The following SPANXN2 variants were observed in gnomAD, a reference collection of about 807,000 sequenced individuals.
The protein encoded by SPANXN2 is SPANX family member N2, also known as sperm protein associated with the nucleus on the X chromosome N2.
In SPANXN2, 1 loss-of-function variant was observed where a neutral mutation model predicts 2.0. The ratio of observed to expected loss-of-function variants is 0.50; its 90% CI spans 0.18 to 2.36. SPANXN2 has a LOEUF of 2.36. Among genes scored for constraint, SPANXN2 ranks in the 30% most tolerant of loss-of-function variants. SPANXN2 has a pLI of 0.26. For synonymous variants in SPANXN2, 43 were observed against 49.8 expected, an observed-to-expected ratio of 0.86 and a Z score of 0.58; for missense variants, 88 against 116.7, an observed-to-expected ratio of 0.75 and a Z score of 1.13.
chrX:143,715,890 TTGTA>T (rs1932253062), intron 1 of SPANXN2, among the ~76,000 whole-genome samples: 1 of 111,485 alleles, frequency 9.0e-6, no homozygotes, highest in Non-Finnish European at 1.9e-5. Context: ...ACACACTCCT[TTGTA>T]TTGAACTAAA....
chrX:143,718,479 G>T lies in SPANXN2; in HGVS notation c.78+2112C>A, dbSNP rs782202002. Among the ~76,000 whole-genome samples, 14 of 111,323 alleles carry T rather than the reference G, an allele frequency of 1.3e-4. 1 individual carries two copies. Among genetic ancestry groups the T allele is most frequent in the South Asian group, 7.6e-4 (2 of 2,645 alleles). Reference sequence around the variant, plus strand: ...CTAAGTGGAGGAATTCTCACCAGGTGATGCTAACTACTCCCACAGCGCCAA... The same window carrying T: ...CTAAGTGGAGGAATTCTCACCAGGTTATGCTAACTACTCCCACAGCGCCAA... On this transcript the variant is annotated intron_variant, in intron 1 of 1. Coordinates refer to ENST00000598475, the Ensembl canonical transcript of SPANXN2.
chrX:143,714,503 A>G, intron 1 of SPANXN2, among the ~76,000 whole-genome samples: 1 of 111,461 alleles, frequency 9.0e-6, no homozygotes, highest in East Asian at 2.9e-4. Flanking sequence ...TCCAATAGGG[A>G]CCCTAGCTGT....
intron 1 of SPANXN2, among the ~76,000 whole-genome samples, chrX:143,717,128 C>G (rs1556449944): frequency 8.9e-6 from 1 of 112,243 alleles, no homozygotes; most frequent in Non-Finnish European, 1.9e-5. Flanking sequence ...CGAATGCTCT[C>G]ACACCCCATG....
rs141066900 is a variant in SPANXN2 at position 143,718,571 on chromosome X, A to T, written c.78+2020T>A. Among the ~76,000 whole-genome samples, 923 of 111,659 alleles carry T rather than the reference A, an allele frequency of 8.3e-3. 9 individuals carry two copies. Among genetic ancestry groups the T allele is most frequent in the African/African-American group, 0.029 (885 of 30,652 alleles). On this transcript the variant is annotated intron_variant, in intron 1 of 1. Transcript: ENST00000598475. ...AAAGAGCACCAGATCCACATCTAGA[A>T]ATTTGTTCACCCCCAAATTATTCTC...
At chrX:143,717,009 G>A (rs1932279292) in intron 1 of SPANXN2, among the ~76,000 whole-genome samples, 1 of 112,084 alleles carries the variant, frequency 8.9e-6, no homozygotes, top group Non-Finnish European at 1.9e-5. Context: ...ACACATTTCA[G>A]ATGCCCCTTT....
At chrX:143,719,939 C>G (rs1416093134) in intron 1 of SPANXN2, among the ~76,000 whole-genome samples, 1 of 110,301 alleles carries the variant, frequency 9.1e-6, no homozygotes, top group Non-Finnish European at 1.9e-5. Flanking sequence ...CCTCTCCAGG[C>G]AGCCACCCAG....
At chrX:143,720,728 C>T in exon 1 of SPANXN2, 1 of 1,160,972 alleles carries the variant, frequency 8.6e-7, no homozygotes, top group Non-Finnish European at 1.2e-6. Flanking sequence ...ACTTCCACAG[C>T]TATATTGAAG....
intron 1 of SPANXN2, among the ~76,000 whole-genome samples, chrX:143,720,071 G>A (rs1478650745): frequency 1.8e-5 from 2 of 110,513 alleles, no homozygotes; most frequent in Admixed American, 9.7e-5. Context: ...TCCCCTATTC[G>A]GCAGCAAGCA....
intron 1 of SPANXN2, among the ~76,000 whole-genome samples, chrX:143,718,881 C>T (rs1340378339): frequency 1.8e-5 from 2 of 110,733 alleles, no homozygotes; most frequent in South Asian, 3.9e-4. Context: ...ATTCTAAGTC[C>T]CCACCCCGAA....
intron 1 of SPANXN2, among the ~76,000 whole-genome samples, chrX:143,718,443 C>G (rs1163787555): frequency 1.8e-5 from 2 of 111,691 alleles, no homozygotes; most frequent in Non-Finnish European, 3.8e-5. Flanking sequence ...CCTCCTCCCC[C>G]GCTCTCCAAC....
chrX:143,712,001 G>A, exon 2 of SPANXN2: 1 of 1,211,456 alleles, frequency 8.3e-7, no homozygotes, highest in Non-Finnish European at 1.1e-6. Context: ...CATTGGTAGT[G>A]AGGATTTGTC....
exon 2 of SPANXN2, chrX:143,712,392 T>A (rs1556448516): frequency 8.2e-7 from 1 of 1,212,465 alleles, no homozygotes; most frequent in Admixed American, 2.2e-5. Flanking sequence ...TTGAATTTAT[T>A]TTCGTATGCT....
intron 1 of SPANXN2, among the ~76,000 whole-genome samples, chrX:143,717,436 C>T (rs1932287093): frequency 1.8e-5 from 2 of 111,434 alleles, no homozygotes; most frequent in Admixed American, 1.9e-4. Context: ...ACAAATTCGG[C>T]AGCCTGGCAG....
intron 1 of SPANXN2, among the ~76,000 whole-genome samples, chrX:143,712,852 C>G (rs1932192202): frequency 8.9e-6 from 1 of 111,757 alleles, no homozygotes. Flanking sequence ...TCATATCTTG[C>G]TTGGCAAAGT....
intron 1 of SPANXN2, among the ~76,000 whole-genome samples, chrX:143,718,234 T>C (rs782778435): frequency 8.9e-6 from 1 of 111,964 alleles, no homozygotes; most frequent in African/African-American, 3.3e-5. Context: ...TTTAAATTCA[T>C]GTACAAATGC....
intron 1 of SPANXN2, among the ~76,000 whole-genome samples, chrX:143,720,045 A>T (rs1321654085): frequency 9.0e-6 from 1 of 110,971 alleles, no homozygotes; most frequent in Non-Finnish European, 1.9e-5. Context: ...TTCAAAACCC[A>T]AACCCTGATT....
At chrX:143,717,055 C>T (rs782063595) in intron 1 of SPANXN2, among the ~76,000 whole-genome samples, 1 of 112,322 alleles carries the variant, frequency 8.9e-6, no homozygotes, top group Non-Finnish European at 1.9e-5. Context: ...AATGGAACCT[C>T]TTTTAGGCAG....
chrX:143,718,543 T>G (rs2124012798), intron 1 of SPANXN2, among the ~76,000 whole-genome samples: 1 of 111,505 alleles, frequency 9.0e-6, no homozygotes, highest in African/African-American at 3.3e-5. Flanking sequence ...CATTTCAAAC[T>G]AAAAAGAGCA....
At chrX:143,713,046 A>G (rs1190918113) in intron 1 of SPANXN2, among the ~76,000 whole-genome samples, 4 of 111,621 alleles carry the variant, frequency 3.6e-5, no homozygotes, top group Middle Eastern at 4.6e-3. Flanking sequence ...CTCCACTTCC[A>G]TAGGTGTCTG....
Sources: allele counts gnomAD v4.1 joint callset (sites outside exome capture counted in the v4.1 genomes callset), GRCh38; gene constraint gnomAD v4.1.1; transcripts MANE v1.5; gene names NCBI Gene and HGNC (gene_info 2026-07-23, HGNC 2026-07-21).